AGMO: variants seen among roughly 807,000 people sequenced by gnomAD.
AGMO encodes glyceryl-ether monooxygenase.
In AGMO, 75 loss-of-function variants were observed where a neutral mutation model predicts 60.2. The ratio of observed to expected loss-of-function variants is 1.25; its 90% confidence interval spans 1.03 to 1.51. The LOEUF is 1.51. Ranked by LOEUF, AGMO falls within the 40% of genes most tolerant of loss-of-function variation. The pLI is 0.00. For synonymous variants in AGMO, 261 were observed against 177.1 expected (o/e 1.47, Z -3.76); for missense variants, 763 against 525.5 (o/e 1.45, Z -4.42).
At chr7:15,373,077 A>G (rs901728220) in intron 10 of AGMO, among the ~76,000 whole-genome samples, 1 of 152,202 alleles carries the variant, frequency 6.6e-6, no homozygotes, top group Non-Finnish European at 1.5e-5. Context: ...CAGCCTGGCC[A>G]ACATGGCAAA....
At chr7:15,238,164 C>G (rs1782483810) in intron 12 of AGMO, among the ~76,000 whole-genome samples, 1 of 151,726 alleles carries the variant, frequency 6.6e-6, no homozygotes, top group African/African-American at 2.4e-5. Flanking sequence ...ACCCTTATAT[C>G]AATAGTTTGA....
chr7:15,328,444 T>A (rs960633412), intron 12 of AGMO, among the ~76,000 whole-genome samples: 3 of 152,138 alleles, frequency 2.0e-5, no homozygotes, highest in South Asian at 4.1e-4. Context: ...GAAGGAGTCT[T>A]GTGATTGAAA....
At chr7:15,127,162 G>A in the AGMO span, among the ~76,000 whole-genome samples, 10 of 152,058 alleles carry the variant, frequency 6.6e-5, no homozygotes, top group South Asian at 1.2e-3. Flanking sequence ...AAACCAAGCC[G>A]TACCCTGACC....
intron 3 of AGMO, among the ~76,000 whole-genome samples, chr7:15,507,780 T>A (rs1282321794): frequency 6.6e-6 from 1 of 152,022 alleles, no homozygotes; most frequent in African/African-American, 2.4e-5. Flanking sequence ...AAAGAATTTT[T>A]AAAAAGGAAC....
intron 12 of AGMO, among the ~76,000 whole-genome samples, chr7:15,258,685 A>G (rs1425781408): frequency 2.6e-5 from 4 of 152,180 alleles, no homozygotes; most frequent in Non-Finnish European, 5.9e-5. Context: ...CTCCCTTGCT[A>G]CCTCTACTGG....
At chr7:15,274,296 A>G (rs865803094) in intron 12 of AGMO, among the ~76,000 whole-genome samples, 1 of 152,168 alleles carries the variant, frequency 6.6e-6, no homozygotes, top group African/African-American at 2.4e-5. Flanking sequence ...TGTCTCATCA[A>G]TACCTAATTT....
intron 3 of AGMO, among the ~76,000 whole-genome samples, chr7:15,543,829 G>C (rs995550552): frequency 2.6e-5 from 4 of 151,362 alleles, no homozygotes. Flanking sequence ...AATTCCAGTG[G>C]GATTGCCGGA....
At chr7:15,473,454 A>C (rs1782510102) in intron 3 of AGMO, among the ~76,000 whole-genome samples, 1 of 152,028 alleles carries the variant, frequency 6.6e-6, no homozygotes, top group Admixed American at 6.6e-5. Context: ...AAAAAAGAAA[A>C]TTTCAGGCCA....
At chr7:15,203,752 T>G (rs1227634375) in intron 12 of AGMO, among the ~76,000 whole-genome samples, 1 of 152,128 alleles carries the variant, frequency 6.6e-6, no homozygotes, top group Non-Finnish European at 1.5e-5. Context: ...CATGTGGTTA[T>G]ACCAAGGAAT....
chr7:15,306,781 T>G (rs1780627537), intron 12 of AGMO, among the ~76,000 whole-genome samples: 1 of 152,072 alleles, frequency 6.6e-6, no homozygotes, highest in African/African-American at 2.4e-5. Context: ...ATTTCTACTT[T>G]ATTATGCTAA....
At chr7:15,410,713 A>C (rs1419944000) in intron 5 of AGMO, among the ~76,000 whole-genome samples, 1 of 151,944 alleles carries the variant, frequency 6.6e-6, no homozygotes, top group Non-Finnish European at 1.5e-5. Context: ...ATTACAAGTA[A>C]GTAAGATCAT....
At chr7:15,337,856 T>C (rs1781712800) in intron 12 of AGMO, among the ~76,000 whole-genome samples, 1 of 152,174 alleles carries the variant, frequency 6.6e-6, no homozygotes, top group Non-Finnish European at 1.5e-5. Context: ...GCTCCACCTT[T>C]GCAACTGTGA....
the AGMO span, among the ~76,000 whole-genome samples, chr7:15,165,714 A>C: frequency 6.6e-6 from 1 of 152,178 alleles, no homozygotes; most frequent in Admixed American, 6.6e-5. Flanking sequence ...CATATAATTT[A>C]ATCTCTTAAA....
At chr7:15,342,666 T>C (rs1170983787) in intron 12 of AGMO, among the ~76,000 whole-genome samples, 1 of 151,144 alleles carries the variant, frequency 6.6e-6, no homozygotes, top group Non-Finnish European at 1.5e-5. Context: ...CGTGTGTGTG[T>C]GTAAAAGCTT....
intron 12 of AGMO, among the ~76,000 whole-genome samples, chr7:15,220,208 CTTT>C (rs904364065): frequency 1.6e-4 from 18 of 109,516 alleles, no homozygotes; most frequent in East Asian, 1.4e-3. Flanking sequence ...CTGACTGTGC[CTTT>C]TTTTTTTTTT....
chr7:15,499,534 A>T (rs1405634900), intron 3 of AGMO, among the ~76,000 whole-genome samples: 1 of 151,896 alleles, frequency 6.6e-6, no homozygotes, highest in Non-Finnish European at 1.5e-5. Flanking sequence ...TGGCACTCTC[A>T]TGCAATGTTG....
chr7:15,401,721 G>C (rs1784556898), intron 5 of AGMO, among the ~76,000 whole-genome samples: 1 of 152,124 alleles, frequency 6.6e-6, no homozygotes, highest in Admixed American at 6.5e-5. Flanking sequence ...AAATATTTAT[G>C]ATTCTTGTCT....
At chr7:15,176,677 G>A in the AGMO span, among the ~76,000 whole-genome samples, 15 of 151,854 alleles carry the variant, frequency 9.9e-5, no homozygotes, top group East Asian at 1.4e-3. Flanking sequence ...GTACTAGTTG[G>A]GTCAGGGGCA....
chr7:15,362,877 T>C (rs1184991716), intron 12 of AGMO, among the ~76,000 whole-genome samples: 1 of 152,212 alleles, frequency 6.6e-6, no homozygotes, highest in Non-Finnish European at 1.5e-5. Flanking sequence ...AGATGAGTAT[T>C]ATCATCATTA....
Sources: allele counts gnomAD v4.1 joint callset (sites outside exome capture counted in the v4.1 genomes callset), GRCh38; gene constraint gnomAD v4.1.1; transcripts MANE v1.5; gene names NCBI Gene and HGNC (gene_info 2026-07-23, HGNC 2026-07-21).